The following AFG2A variants were observed in gnomAD, a reference collection of about 807,000 sequenced individuals.
AFG2A encodes ATPase family gene 2 protein homolog A.
chr4:123,051,744 C>T, the AFG2A span, among the ~76,000 whole-genome samples: 1 of 114,284 alleles, frequency 8.8e-6, no homozygotes, highest in African/African-American at 3.3e-5. Flanking sequence ...TTTTTATTTT[C>T]TTTCAGCATT....
the AFG2A span, among the ~76,000 whole-genome samples, chr4:123,173,716 CAAAG>C: frequency 2.6e-5 from 4 of 151,764 alleles, no homozygotes; most frequent in Admixed American, 2.0e-4. Context: ...TTTAAAAAAT[CAAAG>C]AAATTCACTA....
chr4:123,011,859 C>G, the AFG2A span, among the ~76,000 whole-genome samples: 1 of 151,152 alleles, frequency 6.6e-6, no homozygotes, highest in South Asian at 2.1e-4. Context: ...TGCTTGCCCC[C>G]CTGGAAAGTG....
At chr4:122,997,815 AT>A in the AFG2A span, among the ~76,000 whole-genome samples, 1 of 151,994 alleles carries the variant, frequency 6.6e-6, no homozygotes, top group South Asian at 2.1e-4. Context: ...GTTATTATTT[AT>A]CTTTTTGATT....
chr4:123,116,922 TTATTTC>T, the AFG2A span, among the ~76,000 whole-genome samples: 1,014 of 152,302 alleles, frequency 6.7e-3, 11 homozygotes, highest in African/African-American at 0.021. Context: ...TTGTACAGAA[TTATTTC>T]TATATTTGTG....
the AFG2A span, among the ~76,000 whole-genome samples, chr4:123,137,858 A>G: frequency 6.6e-6 from 1 of 152,126 alleles, no homozygotes; most frequent in Admixed American, 6.5e-5. Context: ...GTGTTGCTCT[A>G]GCAATTACAA....
At chr4:122,936,869 A>G in the AFG2A span, among the ~76,000 whole-genome samples, 1 of 152,092 alleles carries the variant, frequency 6.6e-6, no homozygotes. Flanking sequence ...AATCCCAGCT[A>G]CTCGGGAGGC....
the AFG2A span, among the ~76,000 whole-genome samples, chr4:123,117,335 AAC>A: frequency 6.6e-6 from 1 of 151,796 alleles, no homozygotes; most frequent in African/African-American, 2.4e-5. Flanking sequence ...CACATGTGTA[AAC>A]ACATACACAC....
At chr4:122,994,796 AG>A in the AFG2A span, among the ~76,000 whole-genome samples, 3 of 151,550 alleles carry the variant, frequency 2.0e-5, no homozygotes, top group Non-Finnish European at 4.4e-5. Context: ...TTAAACTTAG[AG>A]GTCGTTGGCT....
chr4:123,212,071 A>G, the AFG2A span, among the ~76,000 whole-genome samples: 598 of 152,234 alleles, frequency 3.9e-3, 14 homozygotes, highest in East Asian at 0.055. Context: ...ATGAGTTTGT[A>G]TTACTCAATA....
At chr4:123,001,925 C>A in the AFG2A span, among the ~76,000 whole-genome samples, 1 of 152,042 alleles carries the variant, frequency 6.6e-6, no homozygotes, top group African/African-American at 2.4e-5. Context: ...CCCATTATTA[C>A]TGTGTGGGTG....
At chr4:123,106,930 G>A in the AFG2A span, among the ~76,000 whole-genome samples, 5 of 152,248 alleles carry the variant, frequency 3.3e-5, no homozygotes, top group African/African-American at 1.2e-4. Flanking sequence ...GCACAGTCAG[G>A]CACACAAGCT....
the AFG2A span, among the ~76,000 whole-genome samples, chr4:123,247,580 T>TATGTTTG: frequency 1.6e-5 from 1 of 62,272 alleles, no homozygotes; most frequent in Non-Finnish European, 4.9e-5. Context: ...CGGCTAATTT[T>TATGTTTG]TATGTTTGTT....
the AFG2A span, among the ~76,000 whole-genome samples, chr4:122,930,516 A>G: frequency 6.6e-6 from 1 of 152,160 alleles, no homozygotes; most frequent in African/African-American, 2.4e-5. Flanking sequence ...TTCAGAGCTT[A>G]TAGTAACAGT....
the AFG2A span, among the ~76,000 whole-genome samples, chr4:123,267,907 A>C: frequency 6.6e-6 from 1 of 152,068 alleles, no homozygotes; most frequent in Non-Finnish European, 1.5e-5. Context: ...TTGACTCACT[A>C]TCTGAACTGA....
chr4:123,297,270 T>G, the AFG2A span, among the ~76,000 whole-genome samples: 5 of 152,260 alleles, frequency 3.3e-5, no homozygotes, highest in Admixed American at 2.0e-4. Flanking sequence ...ATGGCCTAAT[T>G]GTTCCTACAA....
At chr4:122,976,778 C>G in the AFG2A span, among the ~76,000 whole-genome samples, 1 of 152,102 alleles carries the variant, frequency 6.6e-6, no homozygotes, top group African/African-American at 2.4e-5. Context: ...CTTTGTAATT[C>G]TAGTTTGAAT....
chr4:123,291,858 T>C, the AFG2A span, among the ~76,000 whole-genome samples: 2 of 152,216 alleles, frequency 1.3e-5, no homozygotes, highest in African/African-American at 4.8e-5. Flanking sequence ...CTGATGTCCA[T>C]TTTGCAATGA....
At chr4:123,228,099 G>A in the AFG2A span, among the ~76,000 whole-genome samples, 3 of 152,220 alleles carry the variant, frequency 2.0e-5, no homozygotes, top group South Asian at 2.1e-4. Flanking sequence ...TTGAGCCTAT[G>A]TGTGTCTCTG....
At chr4:123,069,913 G>T in the AFG2A span, among the ~76,000 whole-genome samples, 63 of 152,292 alleles carry the variant, frequency 4.1e-4, no homozygotes, top group Admixed American at 7.2e-4. Flanking sequence ...ATTAAAGGCT[G>T]ACTGTTCTGG....
Sources: gnomAD v4.1 joint callset for allele counts (sites outside exome capture counted in the v4.1 genomes callset) on GRCh38, gnomAD v4.1.1 for gene constraint, MANE v1.5 for transcripts, NCBI Gene and HGNC (gene_info 2026-07-23, HGNC 2026-07-21) for gene names.